The following DST variants were observed in gnomAD, a reference collection of about 807,000 sequenced individuals.
DST encodes bullous pemphigoid antigen.
DST carries 253 observed loss-of-function variants against 875.2 expected under a neutral mutation model. The observed-to-expected ratio is 0.29, with a 90% confidence interval of 0.26 to 0.32. The LOEUF is 0.32. Among genes scored for constraint, DST ranks in the 10% least tolerant of loss-of-function variants. The pLI is 1.00. For missense variants in DST, 8,287 were observed against 9,111.6 expected, an observed-to-expected ratio of 0.91 and a Z score of 3.68; for synonymous variants, 3,124 against 3,197.1, an observed-to-expected ratio of 0.98 and a Z score of 0.77.
At position 56,607,472 on chromosome 6, in the gene DST, G is replaced by C. The variant is rs376699755; in HGVS notation, c.7156C>G (p.His2386Asp). The part of the protein sequence containing the change: ...ETNERANECS[H>D]SKNIQNFPSD... ...GGAAAGTTTTGAATGTTTTTAGAAT[G>C]ACTACATTCATTTGCACGTTCATTT... The change falls in exon 40 of 104, where the codon CAT (histidine) becomes GAT (aspartate). Residue 2386 changes from histidine to aspartate, a missense_variant. Physicochemically the swap from His to Asp is moderately conservative, Grantham distance 81. Coordinates refer to ENST00000680361, the MANE Select transcript of DST (RefSeq NM_001374736.1). 6.3e-7 allele frequency: 1 copy of C among 1,599,298 alleles called. No homozygotes were observed. The highest frequency in any genetic ancestry group is 2.3e-5 in the East Asian group (1 of 44,440).
At chr6:56,559,853 A>C (rs1304083796) in intron 58 of DST, among the ~76,000 whole-genome samples, 2 of 152,086 alleles carry the variant, frequency 1.3e-5, no homozygotes, top group African/African-American at 4.8e-5. Flanking sequence ...GGAAGAGCAT[A>C]AGAGCATAAA....
chr6:56,919,062 A>C (rs949717257), intron 2 of DST, among the ~76,000 whole-genome samples: 18 of 151,804 alleles, frequency 1.2e-4, no homozygotes, highest in Non-Finnish European at 2.1e-4. Context: ...ATTTTTGTAC[A>C]ACTTATATGT....
rs538422090 is a variant in DST, at chr6:56,645,087, T to C, written c.1778+779A>G. 2.3e-4 allele frequency among the ~76,000 whole-genome samples: 35 copies of C among 152,338 alleles called. No individual in the cohort carries two copies. In the South Asian group the frequency reaches 7.0e-3, roughly 31 times the overall value. On this transcript the variant is annotated intron_variant, in intron 15 of 103. Coordinates refer to ENST00000680361, the MANE Select transcript of DST (RefSeq NM_001374736.1). ...TGAGGCCTCTCCAGTCATATGTAAC[T>C]GTGAGTCAATTAAACCTCTTTCCTT...
chr6:56,544,868 C>A (rs542844465), intron 61 of DST, among the ~76,000 whole-genome samples: 1 of 152,052 alleles, frequency 6.6e-6, no homozygotes, highest in Non-Finnish European at 1.5e-5. Flanking sequence ...CATGTAAGAG[C>A]TCATATATAG....
intron 9 of DST, among the ~76,000 whole-genome samples, chr6:56,687,999 G>A (rs2099200072): frequency 6.6e-6 from 1 of 152,092 alleles, no homozygotes; most frequent in South Asian, 2.1e-4. Flanking sequence ...ACAAACAGAG[G>A]GGAAAGGCTA....
chr6:56,573,643 A>G (rs1226254133), intron 51 of DST, 36 bp downstream of exon 51: 3 of 1,539,244 alleles, frequency 1.9e-6, no homozygotes, highest in Non-Finnish European at 2.7e-6. Flanking sequence ...TTTTTTTAAA[A>G]AACTGAAAAT....
intron 61 of DST, among the ~76,000 whole-genome samples, chr6:56,538,123 C>T (rs2097048782): frequency 6.6e-6 from 1 of 152,138 alleles, no homozygotes; most frequent in Admixed American, 6.5e-5. Flanking sequence ...GCTGGGACCA[C>T]AGCTGCATGT....
chr6:56,758,350 G>A (rs34832779), intron 4 of DST, among the ~76,000 whole-genome samples: 17,739 of 152,170 alleles, frequency 0.12, 1,416 homozygotes, highest in Middle Eastern at 0.19. Context: ...CTGGAATGCA[G>A]ATGTGGTGGT....
intron 4 of DST, among the ~76,000 whole-genome samples, chr6:56,823,469 G>A (rs1172979600): frequency 6.6e-6 from 1 of 151,986 alleles, no homozygotes. Flanking sequence ...GGAGTGCAGT[G>A]CCGCAATCTC....
intron 10 of DST, among the ~76,000 whole-genome samples, chr6:56,665,727 A>G (rs1045061974): frequency 6.6e-6 from 1 of 152,174 alleles, no homozygotes; most frequent in Non-Finnish European, 1.5e-5. Context: ...AAAACTACTT[A>G]TTAGGTGTGA....
In DST at chr6:56,492,241, T is replaced by C. The variant is rs1299622106; in HGVS notation, c.20743A>G (p.Lys6915Glu). 2.5e-6 allele frequency: 4 copies of C among 1,613,660 alleles called. No homozygotes were observed. Among genetic ancestry groups the C allele is most frequent in the African/African-American group, 1.3e-5 (1 of 74,928 alleles). ...AGGGTTATTACCTGCTTGGCTCTCT[T>C]CCTTGCATCATCCAAAGATCTTCCT... ...ERGRSLDDARKRAKQFHEAWS... is the reference protein window; with the variant it reads ...ERGRSLDDARERAKQFHEAWS... The change falls in exon 85 of 104, where the codon AAG becomes GAG. Residue 6915 changes from lysine to glutamate, a missense_variant. By Grantham distance (56) the Lys-to-Glu change is moderately conservative. Around this residue, in one of 10 missense-constraint regions of DST, gnomAD observed 1,292 missense variants for 1,552.7 expected, o/e 0.83. Transcript: ENST00000680361.
intron 69 of DST, among the ~76,000 whole-genome samples, chr6:56,523,577 T>C (rs2096744739): frequency 6.6e-6 from 1 of 152,168 alleles, no homozygotes; most frequent in Non-Finnish European, 1.5e-5. Context: ...GTGCTTATGC[T>C]TTTGTTAAAT....
intron 5 of DST, among the ~76,000 whole-genome samples, chr6:56,724,062 A>G (rs1402417363): frequency 1.3e-5 from 2 of 152,340 alleles, no homozygotes; most frequent in South Asian, 2.1e-4. Context: ...CAGAAATTAA[A>G]TTTGAATTCT....
intron 97 of DST, 70 bp downstream of exon 97, chr6:56,469,813 G>C (rs2094793129): frequency 1.5e-6 from 2 of 1,320,524 alleles, no homozygotes; most frequent in African/African-American, 1.5e-5. Context: ...GAAAACAATG[G>C]AGATCAAATT....
At chr6:56,502,504 G>C (rs1286239167) in intron 78 of DST, among the ~76,000 whole-genome samples, 1 of 152,012 alleles carries the variant, frequency 6.6e-6, no homozygotes, top group South Asian at 2.1e-4. Context: ...TAAAGACATA[G>C]GAGTAAAACC....
intron 9 of DST, among the ~76,000 whole-genome samples, chr6:56,680,706 T>C (rs371728948): frequency 6.6e-6 from 1 of 152,208 alleles, no homozygotes; most frequent in African/African-American, 2.4e-5. Context: ...CCCCAGGGCA[T>C]AGGCCTCAGG....
At chr6:56,619,508 T>C (rs749968180) in intron 36 of DST, 5 of 1,612,900 alleles carry the variant, frequency 3.1e-6, no homozygotes, top group Non-Finnish European at 4.2e-6. Context: ...TCGAAAAGAA[T>C]GAATTTGTGA....
intron 4 of DST, among the ~76,000 whole-genome samples, chr6:56,844,950 TATCCTCTCTG>T (rs2099805524): frequency 1.3e-5 from 2 of 152,018 alleles, no homozygotes; most frequent in African/African-American, 4.8e-5. Context: ...GCAAGTTACT[TATCCTCTCTG>T]AGACTCTCTT....
At chr6:56,568,405 C>T in intron 55 of DST, 64 bp downstream of exon 55, 1 of 1,519,896 alleles carries the variant, frequency 6.6e-7, no homozygotes, top group Non-Finnish European at 8.9e-7. Context: ...AAATAACATA[C>T]ACAAAATTGA....
Sources: allele counts gnomAD v4.1 joint callset (sites outside exome capture counted in the v4.1 genomes callset), GRCh38; gene constraint gnomAD v4.1.1; regional missense constraint gnomAD v4.1.1; transcripts MANE v1.5; gene names NCBI Gene and HGNC (gene_info 2026-07-23, HGNC 2026-07-21).